The following MEF2C variants were observed in gnomAD, a reference collection of about 807,000 sequenced individuals.
MEF2C encodes myocyte enhancer factor 2C.
Under a neutral mutation model 50.5 loss-of-function variants are expected in MEF2C, and 6 were observed. The observed-to-expected ratio is 0.12, with a 90% CI of 0.07 to 0.23. The LOEUF is 0.23. MEF2C is among the 10% of genes least tolerant of loss of function. The pLI, the probability that MEF2C is intolerant of heterozygous loss-of-function variation, is 1.00. For synonymous variants in MEF2C, 183 were observed against 228.0 expected, an observed-to-expected ratio of 0.80 and a Z score of 1.78; for missense variants, 276 against 605.0, an observed-to-expected ratio of 0.46 and a Z score of 5.70.
At chr5:88,730,028 C>CA (rs34297769) in intron 8 of MEF2C, among the ~76,000 whole-genome samples, 183 bp downstream of exon 8, 151 of 147,884 alleles carry the variant, frequency 1.0e-3, no homozygotes, top group Middle Eastern at 3.5e-3. Flanking sequence ...AATATTGAAA[C>CA]AAAAAAAAAA....
chr5:88,726,525 C>G (rs943135706), intron 10 of MEF2C, among the ~76,000 whole-genome samples: 1 of 151,762 alleles, frequency 6.6e-6, no homozygotes, highest in African/African-American at 2.4e-5. Context: ...GTGTGTGAAG[C>G]AGAGAGAGAG....
chr5:88,816,861 T>C (rs571555374), intron 2 of MEF2C, among the ~76,000 whole-genome samples: 2 of 152,072 alleles, frequency 1.3e-5, no homozygotes, highest in Admixed American at 6.6e-5. Context: ...TATGAGGTAT[T>C]TGCAGGCTTA....
At chr5:88,725,107 G>A (rs942781443) in intron 10 of MEF2C, among the ~76,000 whole-genome samples, 6 of 152,014 alleles carry the variant, frequency 3.9e-5, no homozygotes, top group African/African-American at 1.4e-4. Flanking sequence ...TACAGTTTTT[G>A]GAAGCTGCAT....
chr5:88,743,580 T>C, intron 6 of MEF2C: 1 of 979,760 alleles, frequency 1.0e-6, no homozygotes, highest in Non-Finnish European at 1.2e-6. Context: ...AAACATTGCG[T>C]GTAAATGGAT....
At chr5:88,845,880 G>A (rs975405653) in intron 1 of MEF2C, among the ~76,000 whole-genome samples, 1 of 151,788 alleles carries the variant, frequency 6.6e-6, no homozygotes, top group South Asian at 2.1e-4. Flanking sequence ...ACAGGTGCAC[G>A]CCACAACACC....
intron 1 of MEF2C, among the ~76,000 whole-genome samples, chr5:88,874,742 AT>A (rs1317699269): frequency 1.3e-5 from 2 of 151,988 alleles, no homozygotes; most frequent in African/African-American, 4.8e-5. Context: ...TGTTGGTCTA[AT>A]TTGGTAAATT....
chr5:88,783,258 G>A (rs1357910268), intron 3 of MEF2C, among the ~76,000 whole-genome samples: 1 of 152,094 alleles, frequency 6.6e-6, no homozygotes, highest in Non-Finnish European at 1.5e-5. Context: ...TTTTATAAAT[G>A]TTTATCCATT....
At chr5:88,838,846 T>A in intron 1 of MEF2C, 1 of 458,702 alleles carries the variant, frequency 2.2e-6, no homozygotes, top group Non-Finnish European at 2.9e-6. Flanking sequence ...TACAGTTACC[T>A]ACTTCTTCAG....
At chr5:88,734,499 G>C in intron 6 of MEF2C, 1 of 980,026 alleles carries the variant, frequency 1.0e-6, no homozygotes, top group Non-Finnish European at 1.2e-6. Flanking sequence ...GTTGTCCTGT[G>C]ATATGACAAG....
chr5:88,793,311 T>C (rs1794617905), intron 3 of MEF2C, among the ~76,000 whole-genome samples: 1 of 150,534 alleles, frequency 6.6e-6, no homozygotes, highest in Admixed American at 6.7e-5. Flanking sequence ...ATGTACGATG[T>C]GGCTTGAGTA....
At chr5:88,849,546 A>G (rs1165321611) in intron 1 of MEF2C, among the ~76,000 whole-genome samples, 2 of 152,212 alleles carry the variant, frequency 1.3e-5, no homozygotes, top group Non-Finnish European at 2.9e-5. Flanking sequence ...CTGTGTCTTA[A>G]GTGTTTAACT....
At chr5:88,835,424 AAGCTGTGT>A (rs1273075864) in intron 1 of MEF2C, among the ~76,000 whole-genome samples, 4 of 152,162 alleles carry the variant, frequency 2.6e-5, no homozygotes, top group African/African-American at 9.7e-5. Flanking sequence ...CCTATAGATT[AAGCTGTGT>A]AGCCTCAAGC....
chr5:88,830,532 T>C (rs2153230802), intron 1 of MEF2C, among the ~76,000 whole-genome samples: 1 of 152,156 alleles, frequency 6.6e-6, no homozygotes, highest in East Asian at 1.9e-4. Flanking sequence ...TAGTTATCCA[T>C]GGTCTATTTT....
intron 3 of MEF2C, among the ~76,000 whole-genome samples, chr5:88,788,425 G>C (rs1792110352): frequency 6.6e-6 from 1 of 151,720 alleles, no homozygotes. Context: ...GGCCAGGCTG[G>C]TCTTGAACTC....
intron 1 of MEF2C, among the ~76,000 whole-genome samples, chr5:88,843,805 CTTTTT>C (rs35382083): frequency 2.3e-5 from 3 of 129,854 alleles, no homozygotes; most frequent in Non-Finnish European, 3.3e-5. Flanking sequence ...TCCTGTGAAA[CTTTTT>C]TTTTTTTTTT....
intron 6 of MEF2C, chr5:88,739,020 C>A: frequency 3.1e-6 from 3 of 981,070 alleles, no homozygotes; most frequent in Non-Finnish European, 3.6e-6. Flanking sequence ...AGTCAATAAT[C>A]TTCTCCCCTG....
intron 2 of MEF2C, among the ~76,000 whole-genome samples, chr5:88,813,819 G>C (rs1274935741): frequency 6.6e-6 from 1 of 152,038 alleles, no homozygotes; most frequent in African/African-American, 2.4e-5. Flanking sequence ...TTTAGGATGT[G>C]TTTGGGATTC....
chr5:88,776,106 T>C lies in MEF2C; in HGVS notation c.259-14778A>G, dbSNP rs1240958816. 3.9e-5 allele frequency among the ~76,000 whole-genome samples: 6 copies of C among 152,300 alleles called. No individual in the cohort carries two copies. In the South Asian group the frequency reaches 1.2e-3, roughly 32 times the overall value. On this transcript the variant is annotated intron_variant, in intron 3 of 10. Transcript: ENST00000504921. ...TCATCAAATGCCTCTTCTACTTTTA[T>C]TTTGATGATGCTTTGGTGTTCATAA...
chr5:88,817,247 C>T (rs1805890620), intron 2 of MEF2C, among the ~76,000 whole-genome samples: 1 of 151,924 alleles, frequency 6.6e-6, no homozygotes, highest in Admixed American at 6.6e-5. Flanking sequence ...CTGTAATTAA[C>T]TTGATGAAAA....
Sources: gnomAD v4.1 joint callset for allele counts (sites outside exome capture counted in the v4.1 genomes callset) on GRCh38, gnomAD v4.1.1 for gene constraint, MANE v1.5 for transcripts, NCBI Gene and HGNC (gene_info 2026-07-23, HGNC 2026-07-21) for gene names.